The following DCAF17 variants were observed in gnomAD, a reference collection of about 807,000 sequenced individuals.
The protein encoded by DCAF17 is DDB1- and CUL4-associated factor 17.
Under a neutral mutation model 66.0 loss-of-function variants are expected in DCAF17, and 48 were observed. That is an observed-to-expected ratio of 0.73 (90% CI 0.58 to 0.92). The LOEUF (loss-of-function observed/expected upper bound fraction) is 0.92. Ranked by LOEUF, DCAF17 falls within the 40% of genes least tolerant of loss-of-function variation. The pLI, the probability that DCAF17 is intolerant of heterozygous loss-of-function variation, is 0.00. For synonymous variants in DCAF17, 206 were observed against 214.6 expected, an observed-to-expected ratio of 0.96 and a Z score of 0.35; for missense variants, 562 against 622.8, an observed-to-expected ratio of 0.90 and a Z score of 1.04.
intron 4 of DCAF17, among the ~76,000 whole-genome samples, chr2:171,449,247 A>T (rs1694813527): frequency 6.6e-6 from 1 of 152,168 alleles, no homozygotes; most frequent in Admixed American, 6.5e-5. Flanking sequence ...ACCTCAAGTG[A>T]TCTGCCCACC....
chr2:171,481,028 A>AAACCC lies in DCAF17; in HGVS notation c.1481_1485dup (p.Arg496ProfsTer12). 1 of 1,613,850 alleles carries AAACCC rather than the reference A, an allele frequency of 6.2e-7. No individual in the cohort carries two copies. Among genetic ancestry groups the AAACCC allele is most frequent in the Non-Finnish European group, 8.5e-7 (1 of 1,179,754 alleles). ...AGACTTGGTGCTACACATAGAGCAG[A>AAACCC]AACCCAACAGAGTCTTCAGCTGCTA... On this transcript the variant is annotated frameshift_variant, in exon 14 of 14. Transcript: ENST00000375255. LOFTEE classifies it high-confidence loss of function.
At chr2:171,462,386 T>TGTG (rs1210091690) in intron 8 of DCAF17, among the ~76,000 whole-genome samples, 1 of 152,148 alleles carries the variant, frequency 6.6e-6, no homozygotes, top group Non-Finnish European at 1.5e-5. Context: ...AAAGGAGTGA[T>TGTG]AACACAATTA....
chr2:171,434,913 A>G (rs1693747306), intron 1 of DCAF17, 170 bp from the exon 2 acceptor site: 2 of 1,040,828 alleles, frequency 1.9e-6, no homozygotes, highest in East Asian at 2.6e-5. Flanking sequence ...CCTGGAAACA[A>G]TTATTCTAAA....
At chr2:171,477,003 G>A (rs1303730659) in intron 11 of DCAF17, 53 bp downstream of exon 11, 1 of 1,315,926 alleles carries the variant, frequency 7.6e-7, no homozygotes, top group African/African-American at 1.5e-5. Context: ...TTCTATATAA[G>A]ACTATAATAT....
At chr2:171,467,566 G>A (rs963143685) in intron 8 of DCAF17, among the ~76,000 whole-genome samples, 1 of 151,510 alleles carries the variant, frequency 6.6e-6, no homozygotes, top group Non-Finnish European at 1.5e-5. Context: ...GCATACACCC[G>A]TAATTCCAGG....
chr2:171,459,536 C>A (rs965752944), intron 8 of DCAF17, among the ~76,000 whole-genome samples: 1 of 152,158 alleles, frequency 6.6e-6, no homozygotes, highest in Admixed American at 6.5e-5. Context: ...CATTCCTTAT[C>A]ATGTTGAACA....
In DCAF17 at chr2:171,482,519, A is replaced by C; in HGVS notation, c.*1405A>C. On this transcript the variant is annotated 3_prime_UTR_variant, in exon 14 of 14. Transcript: ENST00000375255. ...AACTTACATCTTGAAAAACAAGACCAGTAAGAGGCCAGTGAAAGTACTAAA... is the reference window on the plus strand; with the variant it reads ...AACTTACATCTTGAAAAACAAGACCCGTAAGAGGCCAGTGAAAGTACTAAA... The C allele has an allele frequency of 2.2e-6, 1 of 454,124 alleles. No homozygotes were observed. The highest frequency in any genetic ancestry group is 1.6e-5 in the South Asian group (1 of 64,476). The allele number at this position is 454,124 out of a possible 1,614,324, so 28.1% of individuals were successfully genotyped here. A position where few individuals can be genotyped will look rare whatever the true frequency, so the allele number is the denominator to read the frequency against.
rs142460755 is a variant in DCAF17 at position 171,484,656 on chromosome 2, A to C, written c.*3542A>C. ...GTATAAATTTACTGAGTTCTTGCAG[A>C]CATATACACCTGTGTAACCCAAACC... On this transcript the variant is annotated 3_prime_UTR_variant, in exon 14 of 14. Coordinates refer to ENST00000375255, the MANE Select transcript of DCAF17 (RefSeq NM_025000.4). 5.2e-4 allele frequency: 238 copies of C among 453,878 alleles called. 1 individual carries two copies. The highest frequency in any genetic ancestry group is 3.8e-3 in the African/African-American group (192 of 50,128). The allele number at this position is 453,878 out of a possible 1,614,324, so 28.1% of individuals were successfully genotyped here.
rs574838124 is a variant in DCAF17, at chr2:171,443,347, GT to G, written c.231-167del. On this transcript the variant is annotated intron_variant, in intron 2 of 13. Transcript: ENST00000375255. ...TGGTATTGTAAACTATTTTAATCTTGTTTTTTTTTATATGAATTATGTGATC... is the reference window on the plus strand; with the variant it reads ...TGGTATTGTAAACTATTTTAATCTTGTTTTTTTTATATGAATTATGTGATC... 2,315 of 519,862 alleles carry G rather than the reference GT, an allele frequency of 4.5e-3. 37 individuals are homozygous for G. The highest frequency in any genetic ancestry group is 0.042 in the African/African-American group (1,900 of 45,214). The allele number at this position is 519,862 out of a possible 1,614,324, so 32.2% of individuals were successfully genotyped here. A position where few individuals can be genotyped will look rare whatever the true frequency, so the allele number is the denominator to read the frequency against.
At chr2:171,465,249 G>A (rs1466242778) in intron 8 of DCAF17, among the ~76,000 whole-genome samples, 1 of 151,800 alleles carries the variant, frequency 6.6e-6, no homozygotes, top group East Asian at 1.9e-4. Context: ...TTTCCCTGCA[G>A]TTTCTTTTCT....
chr2:171,454,128 C>T (rs1695107446), intron 6 of DCAF17, among the ~76,000 whole-genome samples: 1 of 151,800 alleles, frequency 6.6e-6, no homozygotes, highest in African/African-American at 2.4e-5. Context: ...TATGATTGCA[C>T]CACTACACTC....
intron 9 of DCAF17, among the ~76,000 whole-genome samples, chr2:171,471,203 A>G (rs907968792): frequency 3.3e-5 from 5 of 152,144 alleles, no homozygotes; most frequent in African/African-American, 9.7e-5. Flanking sequence ...TTTTATCACA[A>G]TTTTATCACT....
intron 2 of DCAF17, among the ~76,000 whole-genome samples, chr2:171,439,303 T>C (rs1452900535): frequency 6.6e-6 from 1 of 152,064 alleles, no homozygotes; most frequent in Admixed American, 6.5e-5. Context: ...ATGTTATACC[T>C]TCTCCAATTT....
intron 6 of DCAF17, among the ~76,000 whole-genome samples, chr2:171,453,716 G>C (rs1248936409): frequency 6.6e-6 from 1 of 152,052 alleles, no homozygotes; most frequent in Non-Finnish European, 1.5e-5. Context: ...TGGGAGGAAA[G>C]AAGGAGCAAA....
intron 9 of DCAF17, among the ~76,000 whole-genome samples, chr2:171,472,620 T>A (rs1215630063): frequency 2.6e-5 from 4 of 152,216 alleles, no homozygotes; most frequent in Admixed American, 1.3e-4. Context: ...AATCACTTAT[T>A]GGAGTACAGT....
rs892471169 is a variant in DCAF17, at chr2:171,448,660, T to G, written c.322-21T>G. ...TCATGGCCAAGCAGTTTCATTTTTATATCTCTCTTTTTTTTTTTAGGGAGA... is the reference window on the plus strand; with the variant it reads ...TCATGGCCAAGCAGTTTCATTTTTAGATCTCTCTTTTTTTTTTTAGGGAGA... On this transcript the variant is annotated intron_variant, in intron 3 of 13. Transcript: ENST00000375255. The G allele has an allele frequency of 1.9e-6, 3 of 1,541,822 alleles. No individual in the cohort carries two copies. The African/African-American group carries it at 4.2e-5, about 22-fold the overall frequency.
rs1574411062 is a variant in DCAF17, at chr2:171,481,623, C to T, written c.*509C>T. Reference sequence around the variant, plus strand: ...TTATTTTGAGCCCAAAATGTGTCATCACAGTTTTTAAAAATCTTATATATG... The same window carrying T: ...TTATTTTGAGCCCAAAATGTGTCATTACAGTTTTTAAAAATCTTATATATG... On this transcript the variant is annotated 3_prime_UTR_variant, in exon 14 of 14. Transcript: ENST00000375255. 1 of 453,694 alleles carries T rather than the reference C, an allele frequency of 2.2e-6. No individual in the cohort carries two copies. Among genetic ancestry groups the T allele is most frequent in the Non-Finnish European group, 4.4e-6 (1 of 226,676 alleles). 28.1% of individuals were successfully genotyped at this position (453,694 alleles called of 1,614,324 possible).
chr2:171,458,921 T>C (rs1332413876), intron 8 of DCAF17, among the ~76,000 whole-genome samples: 1 of 152,180 alleles, frequency 6.6e-6, no homozygotes, highest in African/African-American at 2.4e-5. Context: ...CCAGTATACT[T>C]AAAGAGTGCC....
chr2:171,474,568 A>G (rs1696408601), intron 10 of DCAF17, among the ~76,000 whole-genome samples: 1 of 152,038 alleles, frequency 6.6e-6, no homozygotes, highest in African/African-American at 2.4e-5. Flanking sequence ...CACTGTTTCC[A>G]TTCTGCATGA....
Sources: allele counts gnomAD v4.1 joint callset (sites outside exome capture counted in the v4.1 genomes callset), GRCh38; gene constraint gnomAD v4.1.1; transcripts MANE v1.5; gene names NCBI Gene and HGNC (gene_info 2026-07-23, HGNC 2026-07-21).